Variants in POLR2G observed in about 807,000 individuals in gnomAD.
The protein encoded by POLR2G is DNA-directed RNA polymerase II subunit RPB7.
In POLR2G, 19 loss-of-function variants were observed where a neutral mutation model predicts 25.7. The observed-to-expected ratio is 0.74, with a 90% CI of 0.52 to 1.08. The LOEUF (loss-of-function observed/expected upper bound fraction) is 1.08. POLR2G is among the 50% of genes least tolerant of loss of function. The pLI is 0.00. For synonymous variants in POLR2G, 79 were observed against 76.0 expected (o/e 1.04, Z -0.21); for missense variants, 123 against 218.5 (o/e 0.56, Z 2.76).
Position 62,765,169 on chromosome 11 carries a change from A to G in POLR2G, c.283-13A>G. 6.2e-7 allele frequency: 1 copy of G among 1,611,694 alleles called. No individual in the cohort carries two copies. The highest frequency in any genetic ancestry group is 8.5e-7 in the Non-Finnish European group (1 of 1,178,812). ...ACCGTGCACGGCCGTAAGATCACTC[A>G]TTTTTTTTCTAGGTTGGACTCTTCA... On this transcript the variant is annotated splice_polypyrimidine_tract_variant and intron_variant, in intron 3 of 7. Transcript: ENST00000301788.
chr11:62,761,686 A>G, intron 1 of POLR2G, 26 bp downstream of exon 1: 2 of 1,611,538 alleles, frequency 1.2e-6, no homozygotes, highest in Non-Finnish European at 8.5e-7. Flanking sequence ...GGTGGCGGCA[A>G]GGGCTGGGTG....
rs746880259 is a variant in POLR2G, at chr11:62,766,328, G to C, written c.505+52G>C. On this transcript the variant is annotated intron_variant, in intron 7 of 7. Transcript: ENST00000301788. ...GTTATTGCCTGGAGAAGGGATGTGT[G>C]GGGGTGGGGAGTAATATAGGATTCA... 8 of 1,566,766 alleles carry C rather than the reference G, an allele frequency of 5.1e-6. No homozygotes were observed. The East Asian group carries it at 1.8e-4, about 35-fold the overall frequency.
Position 62,765,178 on chromosome 11 carries a change from C to G in POLR2G, c.283-4C>G. 6.2e-7 allele frequency: 1 copy of G among 1,612,862 alleles called. No homozygotes were observed. The highest frequency in any genetic ancestry group is 8.5e-7 in the Non-Finnish European group (1 of 1,179,636). ...GGCCGTAAGATCACTCATTTTTTTT[C>G]TAGGTTGGACTCTTCACAGAAATTG... On this transcript the variant is annotated splice_polypyrimidine_tract_variant and splice_region_variant and intron_variant, in intron 3 of 7. Coordinates refer to ENST00000301788, the MANE Select transcript of POLR2G (RefSeq NM_002696.3).
chr11:62,761,816 C>T lies in POLR2G; in HGVS notation c.34C>T (p.Leu12=), dbSNP rs1187026392. 2 of 1,613,958 alleles carry T rather than the reference C, an allele frequency of 1.2e-6. No individual in the cohort carries two copies. The highest frequency in any genetic ancestry group is 1.7e-5 in the Admixed American group (1 of 60,012). The part of the protein sequence containing the change: ...FYHISLEHEI[L]LHPRYFGPNL... ...GCAGATCTCCCTAGAGCACGAAATC[C>T]TGCTGCACCCGCGCTACTTCGGCCC... The change falls in exon 2 of 8, where the codon CTG becomes TTG. Residue 12 remains leucine, a synonymous_variant. Transcript: ENST00000301788.
At chr11:62,764,456 G>A (rs2084104813) in intron 3 of POLR2G, among the ~76,000 whole-genome samples, 2 of 151,942 alleles carry the variant, frequency 1.3e-5, no homozygotes, top group African/African-American at 2.4e-5. Flanking sequence ...GTGAGATTCT[G>A]TCTCAAAGTA....
chr11:62,766,125 G>A, intron 6 of POLR2G, 118 bp from the exon 7 acceptor site: 1 of 897,416 alleles, frequency 1.1e-6, no homozygotes, highest in Non-Finnish European at 1.9e-6. Context: ...GTTTCAGGGG[G>A]TTCTGTGCTC....
rs1225817667 is a variant in POLR2G, at chr11:62,765,227, C to A, written c.328C>A (p.Arg110=). ...EIGPMSCFIS[R]HSIPSEMEFD... is the part of the protein sequence containing the mutation. ...TGGGCCCATGTCTTGCTTCATCTCT[C>A]GACATGTAAGTCTGGGCACACTGGG... The change falls in exon 4 of 8, where the codon CGA becomes AGA. Residue 110 remains arginine (R), a synonymous_variant. Coordinates refer to ENST00000301788, the MANE Select transcript of POLR2G (RefSeq NM_002696.3). The A allele has an allele frequency of 6.2e-7, 1 of 1,613,698 alleles. No individual in the cohort carries two copies.
intron 2 of POLR2G, 155 bp downstream of exon 2, chr11:62,762,059 G>A (rs113293623): frequency 4.8e-6 from 3 of 619,242 alleles, no homozygotes; most frequent in Non-Finnish European, 8.7e-6. Flanking sequence ...TGGGTTCCCA[G>A]GGCGCCCTCT....
chr11:62,766,438 G>T, intron 7 of POLR2G, 56 bp from the exon 8 acceptor site: 1 of 1,604,458 alleles, frequency 6.2e-7, no homozygotes, highest in South Asian at 1.1e-5. Context: ...AGGAGTACAT[G>T]GTTGTGGCTA....
chr11:62,764,973 C>T (rs1590928652), intron 3 of POLR2G, among the ~76,000 whole-genome samples: 1 of 152,212 alleles, frequency 6.6e-6, no homozygotes, highest in East Asian at 1.9e-4. Flanking sequence ...ATTCTCCTGC[C>T]TCAGTCTCCT....
Position 62,766,552 on chromosome 11 carries a change from T to A in POLR2G, c.*45T>A. The A allele has an allele frequency of 6.4e-7, 1 of 1,572,136 alleles. No individual in the cohort carries two copies. Among genetic ancestry groups the A allele is most frequent in the Non-Finnish European group, 8.8e-7 (1 of 1,142,170 alleles). On this transcript the variant is annotated 3_prime_UTR_variant, in exon 8 of 8. Transcript: ENST00000301788. ...TTGGTCCTACTCTAGGAAGTGTGATTGTCACACTTATCATGTTGTCCAGAG... is the reference window on the plus strand; with the variant it reads ...TTGGTCCTACTCTAGGAAGTGTGATAGTCACACTTATCATGTTGTCCAGAG...
chr11:62,765,528 T>A, intron 5 of POLR2G, 123 bp downstream of exon 5: 1 of 1,105,238 alleles, frequency 9.0e-7, no homozygotes, highest in Non-Finnish European at 1.4e-6. Context: ...TTCATGATTT[T>A]ATGACTTTAC....
chr11:62,762,740 G>C (rs183728704), intron 2 of POLR2G, 127 bp from the exon 3 acceptor site: 1 of 692,528 alleles, frequency 1.4e-6, no homozygotes, highest in African/African-American at 1.8e-5. Context: ...TCTGGGAGCA[G>C]AGGTGCTATC....
chr11:62,763,307 T>C (rs2134855808), intron 3 of POLR2G, among the ~76,000 whole-genome samples: 1 of 150,426 alleles, frequency 6.6e-6, no homozygotes, highest in African/African-American at 2.4e-5. Context: ...ATTTTTTTTT[T>C]TTTTTGAGAC....
chr11:62,765,736 C>T lies in POLR2G; in HGVS notation c.471+12C>T. On this transcript the variant is annotated intron_variant, in intron 6 of 7. Coordinates refer to ENST00000301788, the MANE Select transcript of POLR2G (RefSeq NM_002696.3). ...ACAAGAATGACATTGTGAGTCTTTT[C>T]CCCACCTCTCTACCTATACCAGGTT... 1 of 1,515,654 alleles carries T rather than the reference C, an allele frequency of 6.6e-7. No individual in the cohort carries two copies. Among genetic ancestry groups the T allele is most frequent in the South Asian group, 1.1e-5 (1 of 89,006 alleles). The allele number at this position is 1,515,654 out of a possible 1,614,324, so 93.9% of individuals were successfully genotyped here. A position where few individuals can be genotyped will look rare whatever the true frequency, so the allele number is the denominator to read the frequency against.
At position 62,765,187 on chromosome 11, in the gene POLR2G, A is replaced by C. The variant is rs1335875558; in HGVS notation, c.288A>C (p.Gly96=). ...DAVVTQVNKV[G]LFTEIGPMSC... is the part of the protein sequence containing the mutation. ...ATCACTCATTTTTTTTCTAGGTTGGACTCTTCACAGAAATTGGGCCCATGT... is the reference window on the plus strand; with the variant it reads ...ATCACTCATTTTTTTTCTAGGTTGGCCTCTTCACAGAAATTGGGCCCATGT... Residue 96 remains glycine, a synonymous_variant, in exon 4 of 8, where the codon GGA becomes GGC. Coordinates refer to ENST00000301788, the MANE Select transcript of POLR2G (RefSeq NM_002696.3). 6.2e-7 allele frequency: 1 copy of C among 1,613,190 alleles called. No individual in the cohort carries two copies. The highest frequency in any genetic ancestry group is 8.5e-7 in the Non-Finnish European group (1 of 1,179,844).
rs866655881 is a variant in POLR2G at position 62,761,581 on chromosome 11, A to G, written c.-68A>G. 18 of 1,506,032 alleles carry G rather than the reference A, an allele frequency of 1.2e-5. 1 individual carries two copies. The Middle Eastern group carries it at 6.7e-4, about 56-fold the overall frequency. The allele number at this position is 1,506,032 out of a possible 1,614,324, so 93.3% of individuals were successfully genotyped here. A position where few individuals can be genotyped will look rare whatever the true frequency, so the allele number is the denominator to read the frequency against. On this transcript the variant is annotated 5_prime_UTR_variant, in exon 1 of 8. Transcript: ENST00000301788. ...CGCGGAACTGGGGTTGCGGCGTCTA[A>G]GTGTTTCCGGTGGATTCCCAGGGAC...
Position 62,761,667 on chromosome 11 carries a change from A to G in POLR2G, c.12+7A>G. On this transcript the variant is annotated splice_region_variant and intron_variant, in intron 1 of 7. Coordinates refer to ENST00000301788, the MANE Select transcript of POLR2G (RefSeq NM_002696.3). ...TGGGAAGATGTTCTACCATGTGAGC[A>G]GGGCTCAGGGTGGCGGCAAGGGCTG... 1 of 1,612,342 alleles carries G rather than the reference A, an allele frequency of 6.2e-7. No homozygotes were observed. The highest frequency in any genetic ancestry group is 8.5e-7 in the Non-Finnish European group (1 of 1,178,778).
At chr11:62,764,642 A>C (rs2084105744) in intron 3 of POLR2G, among the ~76,000 whole-genome samples, 2 of 152,048 alleles carry the variant, frequency 1.3e-5, no homozygotes, top group South Asian at 4.1e-4. Context: ...AAAAGTTTTT[A>C]AAAATTAGCC....
Sources: allele counts gnomAD v4.1 joint callset (sites outside exome capture counted in the v4.1 genomes callset), GRCh38; gene constraint gnomAD v4.1.1; transcripts MANE v1.5; gene names NCBI Gene and HGNC (gene_info 2026-07-23, HGNC 2026-07-21).